STN1: variants seen among roughly 807,000 people sequenced by gnomAD.
STN1 encodes the protein CST complex subunit STN1.
Under a neutral mutation model 45.5 loss-of-function variants are expected in STN1, and 29 were observed. That is an observed-to-expected ratio of 0.64 (90% CI 0.47 to 0.87). The LOEUF (loss-of-function observed/expected upper bound fraction) is 0.87, where lower values mean the gene tolerates loss of function less well. Ranked by LOEUF, STN1 falls within the 40% of genes least tolerant of loss-of-function variation. The probability of loss-of-function intolerance (pLI) is 0.00; values close to 1 mark genes in which losing one functional copy is unlikely to be tolerated. For missense variants in STN1, 376 were observed against 441.4 expected (o/e 0.85, Z 1.33); for synonymous variants, 148 against 159.0 (o/e 0.93, Z 0.52).
intron 7 of STN1, among the ~76,000 whole-genome samples, chr10:103,893,684 C>T (rs1288433943): frequency 2.6e-5 from 4 of 152,146 alleles, no homozygotes; most frequent in Non-Finnish European, 1.5e-5. Context: ...GAGGAAAGAG[C>T]CTCCACAGGG....
At chr10:103,894,525 C>T (rs992787431) in intron 7 of STN1, among the ~76,000 whole-genome samples, 2 of 152,152 alleles carry the variant, frequency 1.3e-5, no homozygotes, top group Non-Finnish European at 2.9e-5. Flanking sequence ...GACCCTGGGA[C>T]ATATTTCCCT....
At chr10:103,911,125 C>T (rs1286977345) in intron 2 of STN1, among the ~76,000 whole-genome samples, 1 of 151,762 alleles carries the variant, frequency 6.6e-6, no homozygotes, top group African/African-American at 2.4e-5. Flanking sequence ...AAAACGCTAC[C>T]CTTTGGGGCC....
At chr10:103,900,340 G>A (rs113672099) in intron 4 of STN1, 117 bp from the exon 5 acceptor site, 3 of 969,574 alleles carry the variant, frequency 3.1e-6, no homozygotes, top group African/African-American at 1.6e-5. Context: ...TTCTACTTCT[G>A]AGTAATTGTT....
intron 2 of STN1, among the ~76,000 whole-genome samples, chr10:103,916,964 C>T (rs1564636605): frequency 1.3e-5 from 2 of 152,056 alleles, no homozygotes; most frequent in African/African-American, 4.8e-5. Flanking sequence ...TATTTTGATT[C>T]TGCTTAATTC....
At chr10:103,891,014 CAA>C (rs1319810419) in intron 8 of STN1, among the ~76,000 whole-genome samples, 2 of 152,150 alleles carry the variant, frequency 1.3e-5, no homozygotes, top group African/African-American at 4.8e-5. Context: ...GTGAGGCAAA[CAA>C]GCACCTACAC....
chr10:103,896,763 T>C (rs575845741), intron 7 of STN1, among the ~76,000 whole-genome samples: 28 of 152,204 alleles, frequency 1.8e-4, no homozygotes, highest in African/African-American at 6.7e-4. Flanking sequence ...CTTGAACTCC[T>C]GGCCTCAAGT....
chr10:103,884,901 A>G (rs1401227226), intron 9 of STN1, among the ~76,000 whole-genome samples: 1 of 152,114 alleles, frequency 6.6e-6, no homozygotes, highest in Non-Finnish European at 1.5e-5. Flanking sequence ...TCCAACTGGG[A>G]TTGCTGGCAT....
intron 3 of STN1, among the ~76,000 whole-genome samples, chr10:103,907,913 G>A (rs961015958): frequency 2.6e-5 from 4 of 152,030 alleles, no homozygotes; most frequent in African/African-American, 2.4e-5. Context: ...CAGATCACTT[G>A]AGGCCAGGAG....
intron 3 of STN1, among the ~76,000 whole-genome samples, chr10:103,908,906 G>A (rs1316893871): frequency 6.6e-6 from 1 of 150,938 alleles, no homozygotes; most frequent in African/African-American, 2.4e-5. Flanking sequence ...TTTTTTGGTG[G>A]GTGGGGGATG....
At position 103,881,390 on chromosome 10, in the gene STN1, T is replaced by C. The variant is rs558511654; in HGVS notation, c.*1294A>G. Among the ~76,000 whole-genome samples, 2 of 152,256 alleles carry C rather than the reference T, an allele frequency of 1.3e-5. No individual in the cohort carries two copies. The highest frequency in any genetic ancestry group is 4.1e-4 in the South Asian group (2 of 4,824). ...AAGGAAGAACTGCCCAGGACATCAT[T>C]CCAGGCAGACTCTATGCTAGGGACC... On this transcript the variant is annotated 3_prime_UTR_variant, in exon 10 of 10. Transcript: ENST00000224950.
intron 1 of STN1, among the ~76,000 whole-genome samples, 165 bp downstream of exon 1, chr10:103,917,935 G>C (rs1406275882): frequency 2.0e-5 from 3 of 152,380 alleles, no homozygotes; most frequent in Non-Finnish European, 4.4e-5. Context: ...CGTCTGTACA[G>C]GCGTAGCAGA....
In STN1 at chr10:103,888,928, G is replaced by C. The variant is rs35041090; in HGVS notation, c.949+144C>G. The C allele has an allele frequency of 8.1e-6, 5 of 614,982 alleles. No individual in the cohort carries two copies. In the South Asian group the frequency reaches 9.2e-5, roughly 11 times the overall value. 38.1% of individuals were successfully genotyped at this position (614,982 alleles called of 1,614,324 possible). A position where few individuals can be genotyped will look rare whatever the true frequency, so the allele number is the denominator to read the frequency against. ...CCTTTAGAGAGGAGATGGAGGCTCA[G>C]GGAGGGCAGGTACTTTGACTATCAC... is the stretch of plus-strand genomic sequence containing the variant. On this transcript the variant is annotated intron_variant, in intron 9 of 9. Transcript: ENST00000224950.
intron 3 of STN1, among the ~76,000 whole-genome samples, chr10:103,909,408 G>A (rs56057250): frequency 0.39 from 17,780 of 45,944 alleles, 4,831 homozygotes; most frequent in East Asian, 0.76. Flanking sequence ...GTATATATAT[G>A]TATATATGTA....
At chr10:103,885,486 G>C (rs1262407408) in intron 9 of STN1, among the ~76,000 whole-genome samples, 1 of 152,212 alleles carries the variant, frequency 6.6e-6, no homozygotes, top group Admixed American at 6.5e-5. Flanking sequence ...CAGAAAGGCT[G>C]TTCTGCTGAG....
intron 2 of STN1, among the ~76,000 whole-genome samples, chr10:103,911,488 G>A (rs542248138): frequency 7.9e-5 from 12 of 152,056 alleles, no homozygotes; most frequent in Non-Finnish European, 1.6e-4. Flanking sequence ...CCGCCCCCAT[G>A]ACGGCTAAAT....
At chr10:103,909,519 T>C (rs1424008870) in intron 3 of STN1, among the ~76,000 whole-genome samples, 2 of 13,496 alleles carry the variant, frequency 1.5e-4, no homozygotes, top group Non-Finnish European at 5.6e-4. Flanking sequence ...TGTATATATG[T>C]ATATATATGT....
At chr10:103,911,413 C>G (rs868149806) in intron 2 of STN1, among the ~76,000 whole-genome samples, 2 of 152,238 alleles carry the variant, frequency 1.3e-5, no homozygotes, top group East Asian at 3.8e-4. Context: ...TTAAGCTACA[C>G]GCACTGTGTT....
At chr10:103,895,388 G>A (rs1300728269) in intron 7 of STN1, among the ~76,000 whole-genome samples, 1 of 152,134 alleles carries the variant, frequency 6.6e-6, no homozygotes, top group African/African-American at 2.4e-5. Flanking sequence ...GAAAAATATG[G>A]TCTTCGCTAA....
At chr10:103,883,698 T>C (rs899041435) in intron 9 of STN1, among the ~76,000 whole-genome samples, 1 of 125,110 alleles carries the variant, frequency 8.0e-6, no homozygotes, top group African/African-American at 2.7e-5. Flanking sequence ...TAACAATGTA[T>C]AGCCAGTCAC....
Sources: gnomAD v4.1 joint callset for allele counts (sites outside exome capture counted in the v4.1 genomes callset) on GRCh38, gnomAD v4.1.1 for gene constraint, MANE v1.5 for transcripts, NCBI Gene and HGNC (gene_info 2026-07-23, HGNC 2026-07-21) for gene names.